The following AFAP1 variants were observed in gnomAD, a reference collection of about 807,000 sequenced individuals.
The protein encoded by AFAP1 is actin filament associated protein 1.
In AFAP1, 75 loss-of-function variants were observed where a neutral mutation model predicts 93.9. The ratio of observed to expected loss-of-function variants is 0.80; its 90% CI spans 0.66 to 0.97. The LOEUF (loss-of-function observed/expected upper bound fraction) is 0.97, where lower values mean the gene tolerates loss of function less well. AFAP1 is among the 50% of genes least tolerant of loss of function. The pLI is 0.00. For synonymous variants in AFAP1, 517 were observed against 430.7 expected (o/e 1.20, Z -2.48); for missense variants, 1,201 against 1,050.8 (o/e 1.14, Z -1.98).
At chr4:7,774,544 T>C (rs1002597804) in intron 15 of AFAP1, 195 bp downstream of exon 15, 1 of 821,988 alleles carries the variant, frequency 1.2e-6, no homozygotes, top group African/African-American at 1.7e-5. Flanking sequence ...GCACGCCGCA[T>C]GTTTGACCAC....
intron 1 of AFAP1, among the ~76,000 whole-genome samples, chr4:7,875,291 G>T (rs533353010): frequency 6.6e-5 from 10 of 152,164 alleles, no homozygotes; most frequent in Non-Finnish European, 1.5e-4. Context: ...TTAGGTAAGC[G>T]GGAGAGAAAT....
intron 16 of AFAP1, among the ~76,000 whole-genome samples, chr4:7,769,916 G>T (rs1715185168): frequency 6.6e-6 from 1 of 152,234 alleles, no homozygotes; most frequent in African/African-American, 2.4e-5. Flanking sequence ...TAGGGTAGTA[G>T]TGAGTGAATA....
At chr4:7,849,383 T>A (rs1031488958) in intron 4 of AFAP1, among the ~76,000 whole-genome samples, 1 of 152,040 alleles carries the variant, frequency 6.6e-6, no homozygotes, top group African/African-American at 2.4e-5. Flanking sequence ...AAATTCAGCA[T>A]AGAAAAATCA....
At chr4:7,933,368 A>T (rs1284865394) in intron 1 of AFAP1, among the ~76,000 whole-genome samples, 1 of 152,116 alleles carries the variant, frequency 6.6e-6, no homozygotes, top group African/African-American at 2.4e-5. Flanking sequence ...AGGTCAAGAG[A>T]TCGAGACCAT....
chr4:7,855,486 G>A lies in AFAP1; in HGVS notation c.314C>T (p.Ala105Val), dbSNP rs750765189. The change falls in exon 4 of 18, where the codon GCT (alanine) becomes GTT (valine). Residue 105 changes from alanine (A) to valine (V), a missense_variant. By Grantham distance (64) the Ala-to-Val change is moderately conservative. Coordinates refer to ENST00000420658, the MANE Select transcript of AFAP1 (RefSeq NM_001134647.2). ...EEAVPLSPGK[A>V]PEYITSNYDS... Reference sequence around the variant, plus strand: ...CTCACTTGATGTGATGTATTCCGGAGCTTTTCCGGGGCTCAGCGGCACAGC... The same window carrying A: ...CTCACTTGATGTGATGTATTCCGGAACTTTTCCGGGGCTCAGCGGCACAGC... 2.5e-6 allele frequency: 4 copies of A among 1,612,004 alleles called. No homozygotes were observed. In the East Asian group the frequency reaches 8.9e-5, roughly 36 times the overall value.
At chr4:7,866,366 T>C (rs1261124974) in intron 3 of AFAP1, among the ~76,000 whole-genome samples, 1 of 152,084 alleles carries the variant, frequency 6.6e-6, no homozygotes, top group Non-Finnish European at 1.5e-5. Flanking sequence ...CGGCTAATTT[T>C]TGTATTTCCT....
intron 4 of AFAP1, among the ~76,000 whole-genome samples, chr4:7,852,529 C>T (rs1577296063): frequency 1.3e-5 from 2 of 152,110 alleles, no homozygotes; most frequent in East Asian, 3.9e-4. Context: ...TCTGTGTTCT[C>T]ACACCCTCTG....
intron 9 of AFAP1, among the ~76,000 whole-genome samples, chr4:7,807,410 C>A (rs59506766): frequency 0.032 from 4,857 of 152,272 alleles, 266 homozygotes; most frequent in African/African-American, 0.11. Flanking sequence ...CCAACACATT[C>A]ACCCTCCCCA....
At chr4:7,901,611 G>A (rs763938042) in intron 1 of AFAP1, among the ~76,000 whole-genome samples, 11 of 152,186 alleles carry the variant, frequency 7.2e-5, no homozygotes, top group Non-Finnish European at 1.6e-4. Flanking sequence ...GAAAAGATAG[G>A]GAAGGTAGGG....
intron 1 of AFAP1, among the ~76,000 whole-genome samples, chr4:7,903,663 A>G (rs1202940962): frequency 9.9e-5 from 15 of 152,248 alleles, no homozygotes; most frequent in Non-Finnish European, 1.5e-5. Flanking sequence ...TGGGTGACAC[A>G]GCAAGACTGT....
chr4:7,919,192 T>G (rs920628996), intron 1 of AFAP1, among the ~76,000 whole-genome samples: 1 of 152,046 alleles, frequency 6.6e-6, no homozygotes, highest in Non-Finnish European at 1.5e-5. Context: ...TGGAGGGAAA[T>G]TCACACAGAT....
intron 1 of AFAP1, among the ~76,000 whole-genome samples, chr4:7,918,880 GCCGGAAGAGACA>G: frequency 2.1e-5 from 3 of 143,346 alleles, no homozygotes; most frequent in East Asian, 2.1e-4. Flanking sequence ...AAACAGGGCT[GCCGGAAGAGACA>G]CTCGGCCCAG....
In AFAP1 at chr4:7,759,020, G is replaced by T. The variant is rs758242378; in HGVS notation, c.*4745C>A. On this transcript the variant is annotated 3_prime_UTR_variant, in exon 18 of 18. Coordinates refer to ENST00000420658, the MANE Select transcript of AFAP1 (RefSeq NM_001134647.2). ...TTTCTTTGCCTGTTTCTTTCAAAGA[G>T]AATTTTAAATATGACTTTAGCTTTT... is the stretch of plus-strand genomic sequence containing the variant. 3.3e-5 allele frequency: 5 copies of T among 152,494 alleles called. No homozygotes were observed. The highest frequency in any genetic ancestry group is 7.4e-5 in the Non-Finnish European group (5 of 68,012). The allele number at this position is 152,494 out of a possible 1,614,324, so 9.4% of individuals were successfully genotyped here.
In AFAP1 at chr4:7,834,002, CAT is replaced by C. The variant is rs372777096; in HGVS notation, c.726+4520_726+4521del. Among the ~76,000 whole-genome samples, 205 of 152,058 alleles carry C rather than the reference CAT, an allele frequency of 1.3e-3. 1 individual carries two copies. Among genetic ancestry groups the C allele is most frequent in the African/African-American group, 3.8e-3 (158 of 41,474 alleles). On this transcript the variant is annotated intron_variant, in intron 6 of 17. Transcript: ENST00000420658. Reference sequence around the variant, plus strand: ...TATAAAAAAAATACACTTGCACACACATGTTTATAACAGCACAATCCACAATT... The same window carrying C: ...TATAAAAAAAATACACTTGCACACACGTTTATAACAGCACAATCCACAATT...
intron 1 of AFAP1, among the ~76,000 whole-genome samples, chr4:7,873,657 C>A (rs1437887842): frequency 6.6e-6 from 1 of 151,994 alleles, no homozygotes; most frequent in African/African-American, 2.4e-5. Flanking sequence ...CAACACACAC[C>A]TTTTTAACGT....
chr4:7,904,439 T>C (rs1719285480), intron 1 of AFAP1, among the ~76,000 whole-genome samples: 1 of 152,212 alleles, frequency 6.6e-6, no homozygotes, highest in Non-Finnish European at 1.5e-5. Context: ...TTAGCCATAA[T>C]GACCCATTAG....
intron 1 of AFAP1, among the ~76,000 whole-genome samples, chr4:7,932,830 G>T (rs989879720): frequency 1.3e-5 from 2 of 151,848 alleles, no homozygotes; most frequent in Non-Finnish European, 2.9e-5. Flanking sequence ...GACCAGCCTC[G>T]CCAACACAGT....
At chr4:7,782,940 G>A (rs545056239) in intron 12 of AFAP1, among the ~76,000 whole-genome samples, 2 of 152,226 alleles carry the variant, frequency 1.3e-5, no homozygotes, top group East Asian at 1.9e-4. Flanking sequence ...CGGTCTAGAC[G>A]AGACTATCAT....
intron 1 of AFAP1, among the ~76,000 whole-genome samples, chr4:7,938,133 G>C (rs1354606078): frequency 1.3e-5 from 2 of 152,062 alleles, no homozygotes; most frequent in Non-Finnish European, 2.9e-5. Context: ...CATAGCAATG[G>C]GTCGGCATGA....
Sources: allele counts gnomAD v4.1 joint callset (sites outside exome capture counted in the v4.1 genomes callset), GRCh38; gene constraint gnomAD v4.1.1; transcripts MANE v1.5; gene names NCBI Gene and HGNC (gene_info 2026-07-23, HGNC 2026-07-21).